ADARB2: variants seen among roughly 807,000 people sequenced by gnomAD.
The protein encoded by ADARB2 is adenosine deaminase RNA specific B2 (inactive).
ADARB2 carries 25 observed loss-of-function variants against 62.2 expected under a neutral mutation model. The observed-to-expected ratio is 0.40, with a 90% CI of 0.29 to 0.56. The LOEUF is 0.56. ADARB2 is among the 20% of genes least tolerant of loss of function. ADARB2 has a pLI of 0.43. For missense variants in ADARB2, 1,071 were observed against 1,077.4 expected, an observed-to-expected ratio of 0.99 and a Z score of 0.08; for synonymous variants, 572 against 500.8, an observed-to-expected ratio of 1.14 and a Z score of -1.90.
intron 1 of ADARB2, among the ~76,000 whole-genome samples, chr10:1,564,975 C>T (rs1056659781): frequency 6.6e-6 from 1 of 152,202 alleles, no homozygotes; most frequent in Non-Finnish European, 1.5e-5. Context: ...TGGCCTCGGC[C>T]GTAGACCTGC....
intron 1 of ADARB2, among the ~76,000 whole-genome samples, chr10:1,685,408 CCTT>C (rs1834586182): frequency 6.6e-6 from 1 of 152,194 alleles, no homozygotes; most frequent in Admixed American, 6.5e-5. Context: ...CACCTTTCCC[CCTT>C]CTTCTCTTTC....
At chr10:1,396,414 G>A (rs530851111) in intron 1 of ADARB2, among the ~76,000 whole-genome samples, 1 of 152,292 alleles carries the variant, frequency 6.6e-6, no homozygotes, top group Non-Finnish European at 1.5e-5. Context: ...AGAAAAGCCT[G>A]TCATTCATTA....
intron 2 of ADARB2, among the ~76,000 whole-genome samples, chr10:1,377,392 C>T (rs1270616773): frequency 4.6e-5 from 5 of 108,514 alleles, no homozygotes; most frequent in South Asian, 3.1e-4. Context: ...TGTGCATGTG[C>T]GCTCCTGGGT....
chr10:1,221,004 G>A lies in ADARB2; in HGVS notation c.1514-3885C>T, dbSNP rs79665148. 4.3e-3 allele frequency among the ~76,000 whole-genome samples: 651 copies of A among 152,314 alleles called. 6 individuals are homozygous for A. The highest frequency in any genetic ancestry group is 0.015 in the African/African-American group (616 of 41,580). ...TCTCCACAGGCTCCCTGATGAGTTTGAGCAGCCCCAGGGTGGCTTGAATGT... is the reference window on the plus strand; with the variant it reads ...TCTCCACAGGCTCCCTGATGAGTTTAAGCAGCCCCAGGGTGGCTTGAATGT... On this transcript the variant is annotated intron_variant, in intron 6 of 9. Transcript: ENST00000381312.
intron 1 of ADARB2, among the ~76,000 whole-genome samples, chr10:1,430,806 T>C (rs528301169): frequency 2.0e-5 from 3 of 152,088 alleles, no homozygotes; most frequent in African/African-American, 7.2e-5. Flanking sequence ...AGAAAATCAC[T>C]GAAGGCCAAG....
chr10:1,666,969 T>C (rs950176344), intron 1 of ADARB2, among the ~76,000 whole-genome samples: 2 of 152,198 alleles, frequency 1.3e-5, no homozygotes, highest in Non-Finnish European at 2.9e-5. Flanking sequence ...GTGTAGACTC[T>C]GAAAAGACCC....
chr10:1,177,965 G>A lies in ADARB2; in HGVS notation c.*5228C>T, dbSNP rs1414392139. The A allele has an allele frequency of 6.6e-6, 1 of 152,190 alleles. No homozygotes were observed. The allele number at this position is 152,190 out of a possible 1,614,324, so 9.4% of individuals were successfully genotyped here. On this transcript the variant is annotated 3_prime_UTR_variant, in exon 10 of 10. Transcript: ENST00000381312. The stretch of plus-strand genomic sequence containing the variant: ...AAAAATTAGCCAATCTCATAAGCCG[G>A]TCTCAAAAAAGTAAATAGATCTCTA...
At chr10:1,668,722 GC>G (rs1422587700) in intron 1 of ADARB2, among the ~76,000 whole-genome samples, 2 of 152,200 alleles carry the variant, frequency 1.3e-5, no homozygotes, top group Non-Finnish European at 1.5e-5. Context: ...ATAATGATAA[GC>G]CCTGGTCCCC....
chr10:1,556,945 G>T, intron 1 of ADARB2: 1 of 419,380 alleles, frequency 2.4e-6, no homozygotes. Context: ...ATTTATGAAG[G>T]TAATAACTTG....
chr10:1,396,048 C>A (rs1367009824), intron 1 of ADARB2, among the ~76,000 whole-genome samples: 3 of 152,208 alleles, frequency 2.0e-5, no homozygotes, highest in Non-Finnish European at 4.4e-5. Context: ...CCATTTCTCA[C>A]CTTTTCTACG....
chr10:1,279,103 A>G lies in ADARB2; in HGVS notation c.1078-8034T>C, dbSNP rs917719494. On this transcript the variant is annotated intron_variant, in intron 3 of 9. Coordinates refer to ENST00000381312, the MANE Select transcript of ADARB2 (RefSeq NM_018702.4). ...GCTGGGGCTGCCGTAAAAGAATACCATAGACTAGGCAGCTTAAGCAACGGA... is the reference window on the plus strand; with the variant it reads ...GCTGGGGCTGCCGTAAAAGAATACCGTAGACTAGGCAGCTTAAGCAACGGA... 2.6e-5 allele frequency among the ~76,000 whole-genome samples: 4 copies of G among 152,210 alleles called. No homozygotes were observed. The South Asian group carries it at 8.3e-4, about 32-fold the overall frequency.
intron 1 of ADARB2, among the ~76,000 whole-genome samples, chr10:1,707,582 G>C (rs1381100450): frequency 6.6e-6 from 1 of 152,228 alleles, no homozygotes; most frequent in African/African-American, 2.4e-5. Context: ...TGGTCTGTTA[G>C]GTGGAGAGTG....
At chr10:1,290,640 C>A (rs1831457512) in intron 3 of ADARB2, 1 of 152,226 alleles carries the variant, frequency 6.6e-6, no homozygotes, top group African/African-American at 2.4e-5. Context: ...GATGAGAGAT[C>A]CCACATTCAG....
intron 1 of ADARB2, among the ~76,000 whole-genome samples, chr10:1,491,285 G>T (rs1831618371): frequency 6.6e-6 from 1 of 152,080 alleles, no homozygotes; most frequent in African/African-American, 2.4e-5. Flanking sequence ...GCCCAGGCTG[G>T]TCTGGAACTC....
intron 1 of ADARB2, among the ~76,000 whole-genome samples, chr10:1,721,461 A>G (rs1835091573): frequency 6.6e-6 from 1 of 152,220 alleles, no homozygotes; most frequent in South Asian, 2.1e-4. Context: ...TTTATACTGA[A>G]TTAGGTGGGC....
intron 1 of ADARB2, among the ~76,000 whole-genome samples, chr10:1,497,068 GC>G (rs1240752054): frequency 6.6e-6 from 1 of 152,152 alleles, no homozygotes; most frequent in Non-Finnish European, 1.5e-5. Flanking sequence ...CCTGTCACTG[GC>G]TTTTGAATCT....
At chr10:1,336,836 T>C (rs930079488) in intron 3 of ADARB2, among the ~76,000 whole-genome samples, 10 of 152,178 alleles carry the variant, frequency 6.6e-5, no homozygotes, top group African/African-American at 2.4e-5. Flanking sequence ...TTTCTTTCCA[T>C]CGTCGTTGGT....
rs911332232 is a variant in ADARB2 at position 1,380,976 on chromosome 10, T to G, written c.101-1816A>C. Among the ~76,000 whole-genome samples the G allele has an allele frequency of 3.9e-5, 6 of 152,358 alleles. No homozygotes were observed. The East Asian group carries it at 7.7e-4, about 20-fold the overall frequency. On this transcript the variant is annotated intron_variant, in intron 1 of 9. Coordinates refer to ENST00000381312, the MANE Select transcript of ADARB2 (RefSeq NM_018702.4). ...AAATGCACTAAACTATTTCAGACTT[T>G]ACTTTAGCAAAATTGTAAGATATTT...
intron 1 of ADARB2, among the ~76,000 whole-genome samples, chr10:1,721,786 C>T (rs1381207563): frequency 6.6e-6 from 1 of 152,130 alleles, no homozygotes; most frequent in Non-Finnish European, 1.5e-5. Flanking sequence ...TACCCTCAGC[C>T]TTGGCCTCAT....
Sources: gnomAD v4.1 joint callset for allele counts (sites outside exome capture counted in the v4.1 genomes callset) on GRCh38, gnomAD v4.1.1 for gene constraint, MANE v1.5 for transcripts, NCBI Gene and HGNC (gene_info 2026-07-23, HGNC 2026-07-21) for gene names.